SAMD5: variants seen among roughly 807,000 people sequenced by gnomAD.
The protein encoded by SAMD5 is sterile alpha motif domain-containing protein 5.
In SAMD5, 13 loss-of-function variants were observed where a neutral mutation model predicts 11.3. The ratio of observed to expected loss-of-function variants is 1.15; its 90% confidence interval spans 0.75 to 1.83. SAMD5 has a LOEUF of 1.83. Among genes scored for constraint, SAMD5 ranks in the 40% most tolerant of loss-of-function variants. The pLI, the probability that SAMD5 is intolerant of heterozygous loss-of-function variation, is 0.00. For synonymous variants in SAMD5, 129 were observed against 111.3 expected (o/e 1.16, Z -1.00); for missense variants, 255 against 239.1 (o/e 1.07, Z -0.44).
intron 1 of SAMD5, among the ~76,000 whole-genome samples, chr6:147,603,788 CAAAA>C (rs200690344): frequency 1.3e-5 from 2 of 150,454 alleles, no homozygotes; most frequent in Non-Finnish European, 3.0e-5. Context: ...AAAAACAAAA[CAAAA>C]AAAAACAACA....
At chr6:147,865,172 G>A in the SAMD5 span, among the ~76,000 whole-genome samples, 1 of 152,116 alleles carries the variant, frequency 6.6e-6, no homozygotes, top group Admixed American at 6.5e-5. Context: ...ATCAGTGGCA[G>A]GTATGTCAAG....
At chr6:147,876,719 G>C in the SAMD5 span, among the ~76,000 whole-genome samples, 1 of 152,202 alleles carries the variant, frequency 6.6e-6, no homozygotes, top group Non-Finnish European at 1.5e-5. Flanking sequence ...GTCTTCATTT[G>C]AGGCTAGGTT....
Position 147,568,870 on chromosome 6 carries a change from T to C in SAMD5, c.*4414T>C. The C allele has an allele frequency of 2.1e-6, 2 of 957,656 alleles. No homozygotes were observed. Among genetic ancestry groups the C allele is most frequent in the Non-Finnish European group, 2.5e-6 (2 of 804,742 alleles). The allele number at this position is 957,656 out of a possible 1,614,324, so 59.3% of individuals were successfully genotyped here. A position where few individuals can be genotyped will look rare whatever the true frequency, so the allele number is the denominator to read the frequency against. On this transcript the variant is annotated 3_prime_UTR_variant, in exon 2 of 2. Coordinates refer to ENST00000367474, the MANE Select transcript of SAMD5 (RefSeq NM_001030060.3). Reference sequence around the variant, plus strand: ...AAATAACTTTCTAGTCCATGATCATTAATCCCTACTATTTTAGATATTTCC... The same window carrying C: ...AAATAACTTTCTAGTCCATGATCATCAATCCCTACTATTTTAGATATTTCC...
At chr6:147,775,134 T>A in the SAMD5 span, among the ~76,000 whole-genome samples, 1 of 152,010 alleles carries the variant, frequency 6.6e-6, no homozygotes, top group Admixed American at 6.6e-5. Context: ...TGCTTCTCAG[T>A]CCCCCAGGTT....
At chr6:147,610,041 A>G (rs1789759573) in intron 1 of SAMD5, among the ~76,000 whole-genome samples, 1 of 152,212 alleles carries the variant, frequency 6.6e-6, no homozygotes, top group South Asian at 2.1e-4. Flanking sequence ...CCAAGTATGA[A>G]GATTGCACAT....
chr6:147,899,117 G>C, the SAMD5 span, among the ~76,000 whole-genome samples: 2 of 140,150 alleles, frequency 1.4e-5, no homozygotes, highest in African/African-American at 2.8e-5. Context: ...GTTGCAGTGA[G>C]CCAAGATCGC....
At chr6:147,850,404 T>G in the SAMD5 span, among the ~76,000 whole-genome samples, 8 of 152,152 alleles carry the variant, frequency 5.3e-5, no homozygotes, top group African/African-American at 1.7e-4. Context: ...TTATATTACT[T>G]TCACTAGAGG....
At chr6:147,782,099 A>G in the SAMD5 span, among the ~76,000 whole-genome samples, 1 of 151,050 alleles carries the variant, frequency 6.6e-6, no homozygotes, top group African/African-American at 2.4e-5. Context: ...TAACCATTCT[A>G]TTTCATAAAA....
At chr6:147,869,875 G>GT in the SAMD5 span, among the ~76,000 whole-genome samples, 1 of 151,802 alleles carries the variant, frequency 6.6e-6, no homozygotes, top group African/African-American at 2.4e-5. Flanking sequence ...CTTTTTCTTT[G>GT]TTGTTTGTTT....
chr6:147,783,449 A>G, the SAMD5 span, among the ~76,000 whole-genome samples: 4 of 151,812 alleles, frequency 2.6e-5, no homozygotes, highest in Non-Finnish European at 5.9e-5. Flanking sequence ...GCTAGCGTGC[A>G]GTGGCACAAT....
At chr6:147,897,943 T>TAAAAAAAAA in the SAMD5 span, among the ~76,000 whole-genome samples, 55 of 89,590 alleles carry the variant, frequency 6.1e-4, 1 homozygote, top group Admixed American at 9.2e-4. Flanking sequence ...AGATTTTTCT[T>TAAAAAAAAA]AAAAAAAAAA....
At chr6:147,570,398 C>T (rs1025341763), downstream of SAMD5, among the ~76,000 whole-genome samples, 3 of 152,090 alleles carry the variant, frequency 2.0e-5, no homozygotes, top group South Asian at 6.2e-4. Flanking sequence ...TTCCTACAGC[C>T]CTGAATCTCT....
At chr6:147,845,694 C>A in the SAMD5 span, among the ~76,000 whole-genome samples, 4 of 151,888 alleles carry the variant, frequency 2.6e-5, no homozygotes, top group African/African-American at 9.7e-5. Context: ...TCACTATGCA[C>A]CTATCAAAAT....
At chr6:147,891,832 G>T in the SAMD5 span, among the ~76,000 whole-genome samples, 2 of 152,004 alleles carry the variant, frequency 1.3e-5, no homozygotes, top group African/African-American at 4.8e-5. Context: ...GAGGTCCATG[G>T]TATGAACCTG....
At chr6:147,810,064 A>T in the SAMD5 span, among the ~76,000 whole-genome samples, 2 of 152,228 alleles carry the variant, frequency 1.3e-5, no homozygotes, top group Non-Finnish European at 2.9e-5. Flanking sequence ...TTGGTATCTG[A>T]ATATATCAAT....
downstream of SAMD5, chr6:147,570,058 T>C (rs1789113300): frequency 1.0e-6 from 1 of 959,352 alleles, no homozygotes; most frequent in African/African-American, 1.8e-5. Flanking sequence ...TTCCACATCT[T>C]GATGAATGTG....
intron 1 of SAMD5, among the ~76,000 whole-genome samples, chr6:147,561,185 G>T (rs569472141): frequency 1.6e-3 from 239 of 151,720 alleles, no homozygotes; most frequent in African/African-American, 5.3e-3. Flanking sequence ...TGGCTTTTAT[G>T]AATTTATTTA....
chr6:147,509,176 C>G lies in SAMD5; in HGVS notation c.248C>G (p.Pro83Arg), dbSNP rs1463372735. 11 of 1,301,726 alleles carry G rather than the reference C, an allele frequency of 8.5e-6. No individual in the cohort carries two copies. In the East Asian group the frequency reaches 2.9e-4, roughly 34 times the overall value. 80.6% of individuals were successfully genotyped at this position (1,301,726 alleles called of 1,614,324 possible). Residue 83 changes from proline to arginine, a missense_variant, in exon 1 of 2, where the codon CCC (proline) becomes CGC (arginine). Physicochemically the swap from Pro to Arg is moderately radical, Grantham distance 103 (BLOSUM62 -2). Coordinates refer to ENST00000367474, the MANE Select transcript of SAMD5 (RefSeq NM_001030060.3). ...ACGCTTGAGCCGCAGCCGGCGCCCCCCGGGCCGCCCGCCGACGCCGTCCCC... is the reference window on the plus strand; with the variant it reads ...ACGCTTGAGCCGCAGCCGGCGCCCCGCGGGCCGCCCGCCGACGCCGTCCCC... Reference protein sequence around the residue: ...YFTLEPQPAPPGPPADAVPTG... With the variant: ...YFTLEPQPAPRGPPADAVPTG...
At chr6:147,653,110 A>T (rs1297390179) in intron 1 of SAMD5, among the ~76,000 whole-genome samples, 2 of 152,286 alleles carry the variant, frequency 1.3e-5, no homozygotes, top group Middle Eastern at 3.4e-3. Context: ...ATTTGGAATT[A>T]AAAAAATGAG....
Sources: allele counts gnomAD v4.1 joint callset (sites outside exome capture counted in the v4.1 genomes callset), GRCh38; gene constraint gnomAD v4.1.1; transcripts MANE v1.5; gene names NCBI Gene and HGNC (gene_info 2026-07-23, HGNC 2026-07-21).